CPQ: variants seen among roughly 807,000 people sequenced by gnomAD.
The protein encoded by CPQ is carboxypeptidase Q.
A neutral mutation model predicts 45.7 loss-of-function variants in CPQ; 37 were observed. The observed-to-expected ratio is 0.81, with a 90% CI of 0.62 to 1.07. The LOEUF is 1.07. Ranked by LOEUF, CPQ falls within the 50% of genes least tolerant of loss-of-function variation. The pLI, the probability that CPQ is intolerant of heterozygous loss-of-function variation, is 0.00. For synonymous variants in CPQ, 186 were observed against 205.8 expected (o/e 0.90, Z 0.82); for missense variants, 537 against 572.9 (o/e 0.94, Z 0.64).
At chr8:96,838,743 G>A (rs1295742144) in intron 3 of CPQ, among the ~76,000 whole-genome samples, 1 of 152,014 alleles carries the variant, frequency 6.6e-6, no homozygotes, top group Non-Finnish European at 1.5e-5. Flanking sequence ...CGGAAGGAAT[G>A]AATTTGTCTG....
chr8:96,674,047 A>G (rs1008207336), intron 1 of CPQ, among the ~76,000 whole-genome samples: 1 of 152,174 alleles, frequency 6.6e-6, no homozygotes, highest in Admixed American at 6.6e-5. Context: ...TTGTTCAACT[A>G]GAAGCAACAA....
chr8:96,954,831 G>T (rs974481716), intron 4 of CPQ, among the ~76,000 whole-genome samples: 1 of 151,980 alleles, frequency 6.6e-6, no homozygotes, highest in South Asian at 2.1e-4. Context: ...CCACCTATGA[G>T]TGAGAACATG....
chr8:96,925,256 T>G (rs1269732563), intron 4 of CPQ, among the ~76,000 whole-genome samples: 1 of 152,208 alleles, frequency 6.6e-6, no homozygotes, highest in Non-Finnish European at 1.5e-5. Context: ...CTGCTTCAAT[T>G]TCTTCCAATT....
chr8:97,092,869 A>C (rs964577962), intron 7 of CPQ: 1 of 152,208 alleles, frequency 6.6e-6, no homozygotes, highest in Non-Finnish European at 1.5e-5. Context: ...CTGTCAACAG[A>C]GTAAATAGAC....
At chr8:97,142,798 G>A (rs1176676089) in intron 7 of CPQ, among the ~76,000 whole-genome samples, 2 of 152,190 alleles carry the variant, frequency 1.3e-5, no homozygotes, top group Non-Finnish European at 2.9e-5. Flanking sequence ...TGTCAACGAA[G>A]TTAAAGGCTT....
intron 4 of CPQ, among the ~76,000 whole-genome samples, chr8:96,908,816 G>T (rs1812618526): frequency 1.3e-5 from 2 of 149,854 alleles, no homozygotes; most frequent in African/African-American, 2.5e-5. Context: ...TTTTCCTTTT[G>T]TATCATGATT....
intron 7 of CPQ, among the ~76,000 whole-genome samples, chr8:97,115,458 T>C (rs1811568782): frequency 6.6e-6 from 1 of 152,192 alleles, no homozygotes; most frequent in African/African-American, 2.4e-5. Flanking sequence ...CCAGAGCACT[T>C]CAGCCATTGC....
chr8:97,040,533 G>A (rs1810100043), intron 6 of CPQ, among the ~76,000 whole-genome samples: 1 of 152,194 alleles, frequency 6.6e-6, no homozygotes, highest in African/African-American at 2.4e-5. Context: ...ATCGCTTTTG[G>A]TGTTTTAGAC....
At chr8:97,072,517 T>C (rs2130539297) in intron 7 of CPQ, among the ~76,000 whole-genome samples, 1 of 152,194 alleles carries the variant, frequency 6.6e-6, no homozygotes, top group South Asian at 2.1e-4. Context: ...AATCGGGGCA[T>C]CCAAATCGGT....
chr8:97,112,696 G>A (rs1039840232), intron 7 of CPQ, among the ~76,000 whole-genome samples: 1 of 152,202 alleles, frequency 6.6e-6, no homozygotes, highest in Admixed American at 6.5e-5. Context: ...TGCTGCAGCA[G>A]CACTGACAGC....
At chr8:97,032,575 A>G (rs772540006) in intron 6 of CPQ, among the ~76,000 whole-genome samples, 2 of 152,176 alleles carry the variant, frequency 1.3e-5, no homozygotes, top group Non-Finnish European at 2.9e-5. Context: ...GACCCACTCT[A>G]GGGTCTTCCT....
At chr8:97,079,657 G>T (rs1810913268) in intron 7 of CPQ, among the ~76,000 whole-genome samples, 1 of 152,108 alleles carries the variant, frequency 6.6e-6, no homozygotes, top group African/African-American at 2.4e-5. Context: ...GACCCAAGAA[G>T]AACAGAGTAC....
intron 7 of CPQ, among the ~76,000 whole-genome samples, chr8:97,112,633 T>C (rs1334094810): frequency 1.3e-5 from 2 of 152,202 alleles, no homozygotes; most frequent in African/African-American, 4.8e-5. Flanking sequence ...GGGGAGCCAT[T>C]TATAAGCTCA....
Position 96,868,581 on chromosome 8 carries a change from A to G in CPQ, c.642-11217A>G, listed in dbSNP as rs181977156. Among the ~76,000 whole-genome samples, 211 of 152,212 alleles carry G rather than the reference A, an allele frequency of 1.4e-3. 2 individuals are homozygous for G. The highest frequency in any genetic ancestry group is 0.01 in the Admixed American group (155 of 15,274). On this transcript the variant is annotated intron_variant, in intron 3 of 7. Coordinates refer to ENST00000220763, the MANE Select transcript of CPQ (RefSeq NM_016134.4). ...TTTTCTGTTGCCTAGGAAAATGTCA[A>G]TAGAAATTTTAAAGTAAAGACTGAT...
chr8:96,702,380 A>G (rs115038079), intron 1 of CPQ, among the ~76,000 whole-genome samples: 1,814 of 152,282 alleles, frequency 0.012, 47 homozygotes, highest in African/African-American at 0.04. Context: ...TGAGGAAGAA[A>G]AGGGGTGGGT....
At chr8:96,860,485 A>G (rs1347039926) in intron 3 of CPQ, among the ~76,000 whole-genome samples, 2 of 152,072 alleles carry the variant, frequency 1.3e-5, no homozygotes, top group Non-Finnish European at 2.9e-5. Context: ...ACCTTTTCCA[A>G]TTCTCTGAAG....
intron 4 of CPQ, among the ~76,000 whole-genome samples, chr8:96,891,055 A>T (rs559653936): frequency 3.3e-5 from 5 of 152,212 alleles, no homozygotes; most frequent in Admixed American, 2.6e-4. Flanking sequence ...CCACCATTCT[A>T]TCAATCCAGC....
intron 2 of CPQ, among the ~76,000 whole-genome samples, chr8:96,806,148 G>A (rs1395546041): frequency 6.6e-6 from 1 of 152,168 alleles, no homozygotes; most frequent in Non-Finnish European, 1.5e-5. Flanking sequence ...GAATTTTGCT[G>A]CTGTTTTGGT....
intron 1 of CPQ, among the ~76,000 whole-genome samples, chr8:96,690,720 C>T (rs1000536244): frequency 3.3e-5 from 5 of 152,116 alleles, no homozygotes; most frequent in Non-Finnish European, 7.4e-5. Context: ...GTGTGTCTGC[C>T]ACTTTTGAGT....
Sources: gnomAD v4.1 joint callset for allele counts (sites outside exome capture counted in the v4.1 genomes callset) on GRCh38, gnomAD v4.1.1 for gene constraint, MANE v1.5 for transcripts, NCBI Gene and HGNC (gene_info 2026-07-23, HGNC 2026-07-21) for gene names.